Variants in FZD3 observed in about 807,000 individuals in gnomAD.
FZD3 encodes frizzled class receptor 3.
FZD3 carries 30 observed loss-of-function variants against 60.7 expected under a neutral mutation model. The observed-to-expected ratio is 0.49, with a 90% CI of 0.37 to 0.67. The LOEUF (loss-of-function observed/expected upper bound fraction) is 0.67. FZD3 is among the 30% of genes least tolerant of loss of function. The pLI is 0.00. For synonymous variants in FZD3, 246 were observed against 275.2 expected (o/e 0.89, Z 1.05); for missense variants, 605 against 838.7 (o/e 0.72, Z 3.44).
chr8:28,531,583 G>GC, intron 5 of FZD3, among the ~76,000 whole-genome samples: 2 of 152,224 alleles, frequency 1.3e-5, no homozygotes, highest in East Asian at 3.9e-4. Context: ...ACCAGAATAT[G>GC]AGTTTCCCCT....
intron 6 of FZD3, 131 bp downstream of exon 6, chr8:28,551,882 GT>G: frequency 1.4e-6 from 1 of 727,230 alleles, no homozygotes; most frequent in East Asian, 2.7e-5. Context: ...GCAGTATCCA[GT>G]TATGATTGGC....
At chr8:28,561,057 A>G (rs113209166) in intron 7 of FZD3, among the ~76,000 whole-genome samples, 11 of 152,142 alleles carry the variant, frequency 7.2e-5, no homozygotes, top group African/African-American at 2.4e-4. Flanking sequence ...GAAACAAAAT[A>G]CATGTTTTTG....
chr8:28,539,453 A>G (rs1383879805), intron 5 of FZD3, among the ~76,000 whole-genome samples: 1 of 152,218 alleles, frequency 6.6e-6, no homozygotes, highest in Non-Finnish European at 1.5e-5. Flanking sequence ...TTACTATAAC[A>G]TAATAAGCCG....
intron 5 of FZD3, among the ~76,000 whole-genome samples, chr8:28,551,183 A>G (rs916324548): frequency 1.3e-5 from 2 of 152,226 alleles, no homozygotes; most frequent in Admixed American, 6.5e-5. Context: ...AATTACTTAT[A>G]AAACCTTATA....
chr8:28,557,592 C>T (rs1805535219), intron 7 of FZD3, among the ~76,000 whole-genome samples: 1 of 152,138 alleles, frequency 6.6e-6, no homozygotes, highest in Admixed American at 6.5e-5. Flanking sequence ...ATCCTTTATC[C>T]ATTTCCTTTT....
chr8:28,538,960 A>G (rs1805091353), intron 5 of FZD3, among the ~76,000 whole-genome samples: 1 of 152,010 alleles, frequency 6.6e-6, no homozygotes, highest in South Asian at 2.1e-4. Flanking sequence ...GTAAGAGAAA[A>G]TAAACATGGA....
chr8:28,543,664 A>G (rs1020811447), intron 5 of FZD3, among the ~76,000 whole-genome samples: 19 of 151,844 alleles, frequency 1.3e-4, no homozygotes, highest in Middle Eastern at 3.2e-3. Flanking sequence ...TACAGGCATG[A>G]GTCACCGTGC....
chr8:28,516,550 A>C (rs1302087262), intron 3 of FZD3, among the ~76,000 whole-genome samples: 1 of 152,128 alleles, frequency 6.6e-6, no homozygotes, highest in African/African-American at 2.4e-5. Flanking sequence ...CTTTCTGTTT[A>C]TTTAGGTCTT....
At chr8:28,555,367 C>T (rs980278600) in intron 6 of FZD3, among the ~76,000 whole-genome samples, 3 of 152,084 alleles carry the variant, frequency 2.0e-5, no homozygotes, top group Non-Finnish European at 4.4e-5. Flanking sequence ...TGATAGATTT[C>T]TTTGGCTGAA....
At chr8:28,508,581 G>T (rs993528946) in intron 3 of FZD3, among the ~76,000 whole-genome samples, 2 of 151,968 alleles carry the variant, frequency 1.3e-5, no homozygotes, top group Non-Finnish European at 2.9e-5. Context: ...GCTCACTGCA[G>T]TCCTAATCTC....
intron 5 of FZD3, among the ~76,000 whole-genome samples, chr8:28,532,493 C>T (rs1804904094): frequency 6.6e-6 from 1 of 152,154 alleles, no homozygotes; most frequent in South Asian, 2.1e-4. Context: ...CAGTGGCAGT[C>T]ATAGTTCTCT....
intron 5 of FZD3, among the ~76,000 whole-genome samples, chr8:28,546,993 A>G (rs1805310121): frequency 6.6e-6 from 1 of 152,114 alleles, no homozygotes; most frequent in African/African-American, 2.4e-5. Flanking sequence ...AAAGTTTTTA[A>G]TGGTTCGAAA....
rs1242375007 is a variant in FZD3 at position 28,568,792 on chromosome 8, G to T, written c.*5781G>T. ...ACACAGTAGTTCAATCTGTTGAAAG[G>T]CATTGAAGGATAATTTCCTTCAGAT... On this transcript the variant is annotated 3_prime_UTR_variant, in exon 8 of 8. Coordinates refer to ENST00000240093, the MANE Select transcript of FZD3 (RefSeq NM_017412.4). 2.0e-5 allele frequency: 3 copies of T among 152,084 alleles called. No homozygotes were observed. Among genetic ancestry groups the T allele is most frequent in the African/African-American group, 7.2e-5 (3 of 41,428 alleles). 9.4% of individuals were successfully genotyped at this position (152,084 alleles called of 1,614,324 possible). A position where few individuals can be genotyped will look rare whatever the true frequency, so the allele number is the denominator to read the frequency against.
intron 3 of FZD3, among the ~76,000 whole-genome samples, chr8:28,520,360 A>C (rs191276645): frequency 7.7e-4 from 117 of 152,190 alleles, no homozygotes; most frequent in Non-Finnish European, 1.4e-3. Context: ...TAAAATGGAT[A>C]TTGTCAGTGG....
In FZD3 at chr8:28,573,725, C is replaced by T. The variant is rs1323721649; in HGVS notation, c.*10714C>T. The T allele has an allele frequency of 1.3e-5, 2 of 151,634 alleles. No individual in the cohort carries two copies. The highest frequency in any genetic ancestry group is 2.9e-5 in the Non-Finnish European group (2 of 67,928). The allele number at this position is 151,634 out of a possible 1,614,324, so 9.4% of individuals were successfully genotyped here. ...TGTTAAAAAAAAAAAAAGTCTTTCC[C>T]CATTTTACTGTTACAATTTTTCAAG... On this transcript the variant is annotated 3_prime_UTR_variant, in exon 8 of 8. Coordinates refer to ENST00000240093, the MANE Select transcript of FZD3 (RefSeq NM_017412.4).
chr8:28,533,163 CT>C (rs1343714586), intron 5 of FZD3, among the ~76,000 whole-genome samples: 8 of 151,480 alleles, frequency 5.3e-5, no homozygotes, highest in East Asian at 3.9e-4. Flanking sequence ...TAAATATGTT[CT>C]TTTTTTCCCC....
chr8:28,559,945 C>T (rs1419390808), intron 7 of FZD3, among the ~76,000 whole-genome samples: 1 of 152,248 alleles, frequency 6.6e-6, no homozygotes, highest in Non-Finnish European at 1.5e-5. Flanking sequence ...GGTGAATACA[C>T]CTACACATAT....
chr8:28,549,522 C>T (rs1450651537), intron 5 of FZD3, among the ~76,000 whole-genome samples: 1 of 152,022 alleles, frequency 6.6e-6, no homozygotes, highest in Non-Finnish European at 1.5e-5. Context: ...AAATAATGAT[C>T]ACATTGCCTC....
rs370785650 is a variant in FZD3 at position 28,552,809 on chromosome 8, A to G, written c.1553+1058A>G. ...GTTTAATATACAGTCAGCCTTTTGT[A>G]TCTGGCGGTTCCATATCAGTGGATT... On this transcript the variant is annotated intron_variant, in intron 6 of 7. Transcript: ENST00000240093. 9.8e-5 allele frequency among the ~76,000 whole-genome samples: 15 copies of G among 152,304 alleles called. 1 individual carries two copies. In the East Asian group the frequency reaches 1.9e-3, roughly 20 times the overall value.
Sources: allele counts gnomAD v4.1 joint callset (sites outside exome capture counted in the v4.1 genomes callset), GRCh38; gene constraint gnomAD v4.1.1; transcripts MANE v1.5; gene names NCBI Gene and HGNC (gene_info 2026-07-23, HGNC 2026-07-21).